EDA: variants seen among roughly 807,000 people sequenced by gnomAD.
EDA encodes the protein ectodysplasin A.
A neutral mutation model predicts 23.6 loss-of-function variants in EDA; 2 were observed. That is an observed-to-expected ratio of 0.08 (90% confidence interval 0.03 to 0.27). EDA has a LOEUF of 0.27. EDA is among the 10% of genes least tolerant of loss of function. The probability of loss-of-function intolerance (pLI) is 1.00; values close to 1 mark genes in which losing one functional copy is unlikely to be tolerated. For synonymous variants in EDA, 131 were observed against 132.0 expected, an observed-to-expected ratio of 0.99 and a Z score of 0.05; for missense variants, 229 against 324.2, an observed-to-expected ratio of 0.71 and a Z score of 2.26.
At chrX:69,911,477 A>G (rs1233088581) in intron 1 of EDA, among the ~76,000 whole-genome samples, 1 of 110,478 alleles carries the variant, frequency 9.1e-6, no homozygotes, top group Non-Finnish European at 1.9e-5. Context: ...TTAAATGTCA[A>G]CTCCCCTCTC....
At chrX:69,689,318 C>G (rs1338178088) in intron 1 of EDA, among the ~76,000 whole-genome samples, 2 of 90,335 alleles carry the variant, frequency 2.2e-5, no homozygotes, top group Non-Finnish European at 4.3e-5. Context: ...TTTTTTGAGA[C>G]GGAGTCTTGC....
intron 2 of EDA, among the ~76,000 whole-genome samples, chrX:69,976,280 C>A (rs191306365): frequency 1.8e-5 from 2 of 111,426 alleles, no homozygotes; most frequent in East Asian, 5.6e-4. Flanking sequence ...ATGTGAACAT[C>A]AAAGTTATCC....
At chrX:69,719,715 TACACACACACACACAC>T (rs35200750) in intron 1 of EDA, among the ~76,000 whole-genome samples, 2 of 102,671 alleles carry the variant, frequency 1.9e-5, no homozygotes, top group South Asian at 8.8e-4. Flanking sequence ...TATTCCGTTA[TACACACACACACACAC>T]ACACACACAC....
intron 1 of EDA, among the ~76,000 whole-genome samples, chrX:69,656,975 T>C (rs1933341013): frequency 8.9e-6 from 1 of 112,107 alleles, no homozygotes; most frequent in African/African-American, 3.2e-5. Context: ...TGCATTTGTC[T>C]TTTTGGTAGA....
At chrX:69,901,704 G>A (rs916109959) in intron 1 of EDA, among the ~76,000 whole-genome samples, 1 of 111,557 alleles carries the variant, frequency 9.0e-6, no homozygotes, top group African/African-American at 3.3e-5. Flanking sequence ...GGGTAATATG[G>A]ATCCATGTGA....
At chrX:69,783,834 A>G (rs1200568415) in intron 1 of EDA, among the ~76,000 whole-genome samples, 1 of 104,884 alleles carries the variant, frequency 9.5e-6, no homozygotes, top group Non-Finnish European at 2.0e-5. Flanking sequence ...GTCAAATGGT[A>G]TTTCTAGTTC....
intron 1 of EDA, among the ~76,000 whole-genome samples, chrX:69,694,985 G>C (rs2011284098): frequency 8.9e-6 from 1 of 112,167 alleles, no homozygotes; most frequent in Admixed American, 9.5e-5. Flanking sequence ...TCAAGAAAGA[G>C]ACTTAAATTA....
intron 7 of EDA, among the ~76,000 whole-genome samples, chrX:70,034,185 G>A (rs1264554416): frequency 9.0e-6 from 1 of 111,270 alleles, no homozygotes; most frequent in Non-Finnish European, 1.9e-5. Context: ...CCATGGGAGT[G>A]GCTCCTTGGA....
intron 1 of EDA, among the ~76,000 whole-genome samples, chrX:69,949,880 C>T (rs1231967472): frequency 9.0e-6 from 1 of 111,465 alleles, no homozygotes; most frequent in East Asian, 2.8e-4. Flanking sequence ...GGAAAACTGG[C>T]TAGCCATATG....
intron 3 of EDA, among the ~76,000 whole-genome samples, chrX:70,024,842 G>T (rs182710029): frequency 5.3e-5 from 6 of 112,356 alleles, no homozygotes; most frequent in Admixed American, 3.8e-4. Flanking sequence ...CTTTGATGAA[G>T]TTTAGCTTTG....
At chrX:69,679,357 C>T (rs1241026857) in intron 1 of EDA, among the ~76,000 whole-genome samples, 3 of 109,138 alleles carry the variant, frequency 2.7e-5, no homozygotes, top group Non-Finnish European at 5.7e-5. Context: ...AGGGAGGATT[C>T]CCTCTTTTTC....
chrX:69,661,569 A>G (rs1266984032), intron 1 of EDA, among the ~76,000 whole-genome samples: 1 of 111,405 alleles, frequency 9.0e-6, no homozygotes, highest in African/African-American at 3.3e-5. Flanking sequence ...ATATATGGCT[A>G]GCCAGTTCTC....
At chrX:70,004,804 G>A in intron 2 of EDA, among the ~76,000 whole-genome samples, 1 of 112,356 alleles carries the variant, frequency 8.9e-6, no homozygotes, top group Non-Finnish European at 1.9e-5. Context: ...AAGCATGAAA[G>A]CTAGAAGCCT....
intron 1 of EDA, among the ~76,000 whole-genome samples, chrX:69,895,564 G>A (rs1010951661): frequency 1.8e-5 from 2 of 111,128 alleles, no homozygotes; most frequent in Non-Finnish European, 3.8e-5. Context: ...AAAAATACCC[G>A]TTTTGACTAT....
chrX:69,994,546 C>G (rs1459706234), intron 2 of EDA, among the ~76,000 whole-genome samples: 1 of 111,754 alleles, frequency 8.9e-6, no homozygotes, highest in Admixed American at 9.5e-5. Context: ...GAGTTGAGGC[C>G]CAGAAATCTG....
At chrX:69,869,810 G>A (rs1010274244) in intron 1 of EDA, among the ~76,000 whole-genome samples, 1 of 111,939 alleles carries the variant, frequency 8.9e-6, no homozygotes, top group African/African-American at 3.2e-5. Context: ...TCACGTGGCC[G>A]CTGCCACCTC....
At chrX:69,863,073 T>C (rs1180930171) in intron 1 of EDA, among the ~76,000 whole-genome samples, 1 of 109,015 alleles carries the variant, frequency 9.2e-6, no homozygotes, top group Non-Finnish European at 1.9e-5. Context: ...AATATCTCTA[T>C]GGTAAAATTA....
chrX:69,934,216 A>C (rs1003691994), intron 1 of EDA, among the ~76,000 whole-genome samples: 1 of 112,080 alleles, frequency 8.9e-6, no homozygotes, highest in Non-Finnish European at 1.9e-5. Flanking sequence ...TAATGCCCAC[A>C]TTAGTTACTT....
At chrX:69,687,408 G>T (rs1312590564) in intron 1 of EDA, among the ~76,000 whole-genome samples, 1 of 110,752 alleles carries the variant, frequency 9.0e-6, no homozygotes, top group Non-Finnish European at 1.9e-5. Context: ...AGGGAGTATT[G>T]CCATCTTAAC....
Sources: gnomAD v4.1 joint callset for allele counts (sites outside exome capture counted in the v4.1 genomes callset) on GRCh38, gnomAD v4.1.1 for gene constraint, MANE v1.5 for transcripts, NCBI Gene and HGNC (gene_info 2026-07-23, HGNC 2026-07-21) for gene names.